The following NPAS3 variants were observed in gnomAD, a reference collection of about 807,000 sequenced individuals.
The protein encoded by NPAS3 is neuronal PAS domain-containing protein 3.
Under a neutral mutation model 73.1 loss-of-function variants are expected in NPAS3, and 14 were observed. The ratio of observed to expected loss-of-function variants is 0.19; its 90% CI spans 0.13 to 0.30. The LOEUF is 0.30. NPAS3 is among the 10% of genes least tolerant of loss of function. The pLI is 1.00. For synonymous variants in NPAS3, 620 were observed against 541.5 expected (o/e 1.14, Z -2.01); for missense variants, 1,096 against 1,250.0 (o/e 0.88, Z 1.86).
intron 5 of NPAS3, among the ~76,000 whole-genome samples, chr14:33,667,332 C>T (rs747416578): frequency 6.6e-4 from 101 of 152,162 alleles, no homozygotes; most frequent in Non-Finnish European, 1.3e-3. Flanking sequence ...TGCCAGATTA[C>T]ATGTGTGTGA....
At chr14:33,157,002 A>T (rs1354291161) in intron 2 of NPAS3, among the ~76,000 whole-genome samples, 1 of 152,206 alleles carries the variant, frequency 6.6e-6, no homozygotes, top group East Asian at 1.9e-4. Context: ...AATCAAGAGG[A>T]ACTCTAAAAA....
intron 2 of NPAS3, among the ~76,000 whole-genome samples, chr14:33,205,256 T>C (rs770899313): frequency 5.3e-5 from 8 of 152,230 alleles, no homozygotes; most frequent in Non-Finnish European, 8.8e-5. Flanking sequence ...GAACATATTG[T>C]ATTTTCTAAG....
intron 6 of NPAS3, among the ~76,000 whole-genome samples, chr14:33,731,753 T>C (rs1204289875): frequency 6.6e-6 from 1 of 152,236 alleles, no homozygotes; most frequent in Non-Finnish European, 1.5e-5. Context: ...CTGTAAATTT[T>C]CCTGTAAATT....
chr14:33,279,231 T>C (rs1419754981), intron 3 of NPAS3, among the ~76,000 whole-genome samples: 1 of 152,140 alleles, frequency 6.6e-6, no homozygotes, highest in African/African-American at 2.4e-5. Flanking sequence ...AAACTATAGC[T>C]CCTAGGGCAG....
intron 1 of NPAS3, among the ~76,000 whole-genome samples, chr14:33,040,683 G>T (rs2040321200): frequency 6.6e-6 from 1 of 152,086 alleles, no homozygotes; most frequent in Non-Finnish European, 1.5e-5. Flanking sequence ...AAGCCCCAAG[G>T]TTGTGTTCTT....
At chr14:33,182,255 A>T (rs1201019692) in intron 2 of NPAS3, among the ~76,000 whole-genome samples, 1 of 152,206 alleles carries the variant, frequency 6.6e-6, no homozygotes, top group Non-Finnish European at 1.5e-5. Context: ...AATATTAAAA[A>T]TGCATTTTAT....
chr14:33,449,137 G>A (rs1344047468), intron 4 of NPAS3, among the ~76,000 whole-genome samples: 5 of 152,314 alleles, frequency 3.3e-5, no homozygotes, highest in South Asian at 2.1e-4. Context: ...CCACCGAAAA[G>A]AGACTGCAGG....
chr14:33,315,165 T>C (rs1397062137), intron 3 of NPAS3, among the ~76,000 whole-genome samples: 1 of 151,992 alleles, frequency 6.6e-6, no homozygotes, highest in East Asian at 1.9e-4. Context: ...GAAAATGACA[T>C]CTATGAAAAG....
intron 2 of NPAS3, among the ~76,000 whole-genome samples, chr14:33,097,027 G>A (rs1368032530): frequency 2.6e-5 from 4 of 151,946 alleles, no homozygotes; most frequent in Non-Finnish European, 5.9e-5. Context: ...AACAGCACCA[G>A]TACCATGGAA....
At position 33,774,534 on chromosome 14, in the gene NPAS3, CTTTG is replaced by C; in HGVS notation, c.1046+8_1046+11del. 3 of 1,611,666 alleles carry C rather than the reference CTTTG, an allele frequency of 1.9e-6. No homozygotes were observed. Among genetic ancestry groups the C allele is most frequent in the Non-Finnish European group, 1.7e-6 (2 of 1,178,026 alleles). ...ATATCATTTACTGTGAAAATAGGTA[CTTTG>C]TTTTTGTTTTCATTTGCCCTGTTGC... On this transcript the variant is annotated splice_donor_5th_base_variant and intron_variant, in intron 8 of 11. Transcript: ENST00000356141.
At chr14:33,168,536 A>G (rs1254869061) in intron 2 of NPAS3, among the ~76,000 whole-genome samples, 1 of 152,190 alleles carries the variant, frequency 6.6e-6, no homozygotes, top group African/African-American at 2.4e-5. Flanking sequence ...TCCGAGTTGG[A>G]GCCCCAAGCC....
At chr14:33,333,129 G>A (rs1229985524) in intron 3 of NPAS3, among the ~76,000 whole-genome samples, 2 of 152,214 alleles carry the variant, frequency 1.3e-5, no homozygotes, top group African/African-American at 4.8e-5. Flanking sequence ...TCATGTTGCT[G>A]AGACTGGTCA....
At chr14:33,704,264 G>A (rs908878558) in intron 6 of NPAS3, among the ~76,000 whole-genome samples, 2 of 152,128 alleles carry the variant, frequency 1.3e-5, no homozygotes, top group Admixed American at 6.6e-5. Flanking sequence ...TATAATGTGT[G>A]TGTACATATA....
intron 2 of NPAS3, among the ~76,000 whole-genome samples, chr14:33,171,842 C>G (rs1432720467): frequency 1.3e-5 from 2 of 152,138 alleles, no homozygotes; most frequent in African/African-American, 4.8e-5. Context: ...TAAGCTTCAT[C>G]GTTTCTAGCT....
chr14:33,787,466 A>AG (rs575680846), intron 9 of NPAS3, among the ~76,000 whole-genome samples: 51 of 146,320 alleles, frequency 3.5e-4, no homozygotes, highest in African/African-American at 1.3e-3. Flanking sequence ...TTAGCGTATT[A>AG]GGGGGGAAAA....
intron 3 of NPAS3, among the ~76,000 whole-genome samples, chr14:33,231,171 T>C (rs968679188): frequency 6.6e-6 from 1 of 152,234 alleles, no homozygotes; most frequent in African/African-American, 2.4e-5. Context: ...CCTGGACAAT[T>C]GTTTATAAAA....
intron 7 of NPAS3, among the ~76,000 whole-genome samples, chr14:33,764,086 C>A (rs2062383082): frequency 6.6e-6 from 1 of 152,154 alleles, no homozygotes; most frequent in Non-Finnish European, 1.5e-5. Context: ...TGGCTGGCTT[C>A]ACATTTTCCT....
intron 2 of NPAS3, among the ~76,000 whole-genome samples, chr14:33,181,889 A>C (rs2045810655): frequency 6.6e-6 from 1 of 152,106 alleles, no homozygotes; most frequent in Non-Finnish European, 1.5e-5. Context: ...TCTGTCTGAA[A>C]CCACTGCTTT....
chr14:33,425,546 T>C (rs1594885389), intron 4 of NPAS3, among the ~76,000 whole-genome samples: 2 of 151,784 alleles, frequency 1.3e-5, no homozygotes, highest in East Asian at 3.9e-4. Context: ...CCACCTTTTT[T>C]TTTTTTTTTA....
Sources: gnomAD v4.1 joint callset for allele counts (sites outside exome capture counted in the v4.1 genomes callset) on GRCh38, gnomAD v4.1.1 for gene constraint, MANE v1.5 for transcripts, NCBI Gene and HGNC (gene_info 2026-07-23, HGNC 2026-07-21) for gene names.